Variants in USP34 observed in about 807,000 individuals in gnomAD.
USP34 encodes the protein ubiquitin carboxyl-terminal hydrolase 34.
A neutral mutation model predicts 460.3 loss-of-function variants in USP34; 70 were observed. The observed-to-expected ratio is 0.15, with a 90% CI of 0.13 to 0.19. The LOEUF (loss-of-function observed/expected upper bound fraction) is 0.19. USP34 is among the 10% of genes least tolerant of loss of function. The pLI, the probability that USP34 is intolerant of heterozygous loss-of-function variation, is 1.00. For missense variants in USP34, 3,985 were observed against 4,236.2 expected, an observed-to-expected ratio of 0.94 and a Z score of 1.65; for synonymous variants, 1,647 against 1,405.3, an observed-to-expected ratio of 1.17 and a Z score of -3.85.
At chr2:61,257,386 T>C (rs749925057) in intron 44 of USP34, 36 bp from the exon 45 acceptor site, 3 of 1,516,284 alleles carry the variant, frequency 2.0e-6, no homozygotes, top group East Asian at 4.7e-5. Flanking sequence ...AAGTGTCAGA[T>C]AAAAATAAGA....
At chr2:61,451,384 C>G (rs538000252) in intron 1 of USP34, among the ~76,000 whole-genome samples, 12 of 152,064 alleles carry the variant, frequency 7.9e-5, no homozygotes, top group Non-Finnish European at 1.3e-4. Context: ...CTCATAAATT[C>G]TGTACAAGAC....
intron 6 of USP34, among the ~76,000 whole-genome samples, chr2:61,382,424 A>G (rs1315383064): frequency 6.6e-6 from 1 of 152,156 alleles, no homozygotes; most frequent in Non-Finnish European, 1.5e-5. Flanking sequence ...TCCTTCTACA[A>G]TACGTCTTTC....
intron 1 of USP34, among the ~76,000 whole-genome samples, chr2:61,466,901 C>CAA (rs111921570): frequency 5.2e-4 from 55 of 105,654 alleles, no homozygotes; most frequent in African/African-American, 1.9e-3. Context: ...GACTCCGTGT[C>CAA]AAAAAAAAAA....
At chr2:61,269,270 C>T (rs1433034475) in intron 41 of USP34, among the ~76,000 whole-genome samples, 1 of 151,966 alleles carries the variant, frequency 6.6e-6, no homozygotes, top group Non-Finnish European at 1.5e-5. Context: ...AGTCAATCCT[C>T]CCAGCTCAGC....
chr2:61,283,566 T>C (rs1416140621), intron 35 of USP34, 117 bp from the exon 36 acceptor site: 3 of 1,067,672 alleles, frequency 2.8e-6, no homozygotes, highest in Non-Finnish European at 4.0e-6. Flanking sequence ...AGGAAAGCAG[T>C]GGGTGTGTGA....
At chr2:61,318,670 G>GA (rs1245208401) in intron 22 of USP34, among the ~76,000 whole-genome samples, 1 of 152,146 alleles carries the variant, frequency 6.6e-6, no homozygotes, top group African/African-American at 2.4e-5. Flanking sequence ...TAAAGAAGAA[G>GA]AAAAATTGGA....
intron 1 of USP34, among the ~76,000 whole-genome samples, chr2:61,451,654 C>T (rs1292837253): frequency 1.3e-5 from 2 of 151,580 alleles, no homozygotes; most frequent in Non-Finnish European, 2.9e-5. Context: ...TGCACTCCAA[C>T]CTGGGCAACA....
intron 54 of USP34, 34 bp downstream of exon 54, chr2:61,236,291 G>A (rs184914339): frequency 3.8e-6 from 6 of 1,591,922 alleles, no homozygotes; most frequent in Admixed American, 1.8e-5. Flanking sequence ...TTTAAAATGT[G>A]TAAAATATCT....
At chr2:61,251,513 G>C (rs189387045) in intron 48 of USP34, among the ~76,000 whole-genome samples, 1 of 152,124 alleles carries the variant, frequency 6.6e-6, no homozygotes, top group African/African-American at 2.4e-5. Context: ...CAGCTGTATC[G>C]TTTATATACG....
At chr2:61,253,052 T>C (rs935687630) in intron 48 of USP34, among the ~76,000 whole-genome samples, 9 of 152,168 alleles carry the variant, frequency 5.9e-5, no homozygotes, top group Non-Finnish European at 7.4e-5. Flanking sequence ...AATGAATAGA[T>C]TGAGAAAACC....
intron 1 of USP34, among the ~76,000 whole-genome samples, chr2:61,428,021 C>A (rs185658050): frequency 3.0e-4 from 46 of 151,920 alleles, no homozygotes; most frequent in African/African-American, 1.0e-3. Flanking sequence ...AAAAACTAGC[C>A]GGGCATGGTG....
chr2:61,216,755 T>C (rs1000526658), intron 67 of USP34, among the ~76,000 whole-genome samples: 2 of 151,582 alleles, frequency 1.3e-5, no homozygotes, highest in African/African-American at 4.9e-5. Context: ...CCATCTCTAC[T>C]AAGAATACAA....
In USP34 at chr2:61,350,549, C is replaced by G. The variant is rs757770388; in HGVS notation, c.1377+19G>C. 2.5e-6 allele frequency: 4 copies of G among 1,575,886 alleles called. No individual in the cohort carries two copies. In the South Asian group the frequency reaches 4.7e-5, roughly 19 times the overall value. On this transcript the variant is annotated intron_variant, in intron 11 of 79. Coordinates refer to ENST00000398571, the MANE Select transcript of USP34 (RefSeq NM_014709.4). ...CTTCACGGGAAAAAAAAAAAACTAT[C>G]ATGTTTTGAATGTATTACCTGTTCA...
Position 61,462,369 on chromosome 2 carries a change from T to C in USP34, c.43+8281A>G, listed in dbSNP as rs186415874. Among the ~76,000 whole-genome samples, 287 of 150,006 alleles carry C rather than the reference T, an allele frequency of 1.9e-3. 1 individual carries two copies. The highest frequency in any genetic ancestry group is 6.9e-3 in the African/African-American group (281 of 40,712). ...TTTGAGAACAGCCTGGGCAAAACAG[T>C]GAAGCCCCATTCCTACAAAAAACAC... is the stretch of plus-strand genomic sequence containing the variant. On this transcript the variant is annotated intron_variant, in intron 1 of 79. Transcript: ENST00000398571.
At chr2:61,194,529 A>G (rs904390136) in intron 75 of USP34, among the ~76,000 whole-genome samples, 1 of 152,124 alleles carries the variant, frequency 6.6e-6, no homozygotes, top group Non-Finnish European at 1.5e-5. Flanking sequence ...CAGTGTCTTC[A>G]CTCTGTTGCC....
Position 61,188,331 on chromosome 2 carries a change from G to C in USP34, c.10412C>G (p.Thr3471Ser), listed in dbSNP as rs751910261. 7 of 1,613,512 alleles carry C rather than the reference G, an allele frequency of 4.3e-6. No homozygotes were observed. In the East Asian group the frequency reaches 1.3e-4, roughly 31 times the overall value. The part of the protein sequence containing the change: ...LAEEESEFPS[T>S]SISAVLSDLA... ...GTCAGACAGAACTGCAGAGATAGAA[G>C]TAGAAGGGAACTCAGATTCTTCCTC... The change falls in exon 80 of 80, where the codon ACT becomes AGT. Residue 3471 changes from threonine to serine, a missense_variant. Transcript: ENST00000398571.
In USP34 at chr2:61,247,909, G is replaced by A. The variant is rs140968475; in HGVS notation, c.6394+602C>T. Among the ~76,000 whole-genome samples the A allele has an allele frequency of 5.0e-3, 760 of 152,126 alleles. 5 individuals are homozygous for A. Among genetic ancestry groups the A allele is most frequent in the African/African-American group, 0.017 (714 of 41,512 alleles). ...AAGAAGGATAAACGAGCAAGAGGCC[G>A]GGCACAGTGGCTCACACCTGTAATC... On this transcript the variant is annotated intron_variant, in intron 49 of 79. Transcript: ENST00000398571.
intron 62 of USP34, among the ~76,000 whole-genome samples, chr2:61,224,369 C>CA (rs1165297218): frequency 6.6e-6 from 1 of 152,154 alleles, no homozygotes; most frequent in African/African-American, 2.4e-5. Flanking sequence ...AACTGGTAGT[C>CA]AGATCCAGAC....
At chr2:61,281,344 G>A (rs370967003) in intron 37 of USP34, 102 bp from the exon 38 acceptor site, 25 of 1,387,972 alleles carry the variant, frequency 1.8e-5, no homozygotes, top group Admixed American at 7.5e-5. Flanking sequence ...ATGTTCTGCC[G>A]GGCAAGCCTG....
Sources: allele counts gnomAD v4.1 joint callset (sites outside exome capture counted in the v4.1 genomes callset), GRCh38; gene constraint gnomAD v4.1.1; transcripts MANE v1.5; gene names NCBI Gene and HGNC (gene_info 2026-07-23, HGNC 2026-07-21).